Variants in SYT2 observed in about 807,000 individuals in gnomAD.
The protein encoded by SYT2 is synaptotagmin 2.
A neutral mutation model predicts 39.9 loss-of-function variants in SYT2; 15 were observed. That is an observed-to-expected ratio of 0.38 (90% CI 0.25 to 0.58). The LOEUF (loss-of-function observed/expected upper bound fraction) is 0.58, where lower values mean the gene tolerates loss of function less well. SYT2 is among the 20% of genes least tolerant of loss of function. SYT2 has a pLI of 0.70. For synonymous variants in SYT2, 181 were observed against 204.5 expected, an observed-to-expected ratio of 0.89 and a Z score of 0.98; for missense variants, 389 against 530.3, an observed-to-expected ratio of 0.73 and a Z score of 2.62.
rs1653953692 is a variant in SYT2 at position 202,695,567 on chromosome 1, G to A, written c.-18+14691C>T. On this transcript the variant is annotated intron_variant, in intron 1 of 8. Transcript: ENST00000367268. ...GTAATTGAACTCGATTTGATTGAGT[G>A]TGACAACTGCACAGTTAGCCACAAG... Among the ~76,000 whole-genome samples the A allele has an allele frequency of 2.6e-5, 4 of 152,348 alleles. No homozygotes were observed. In the South Asian group the frequency reaches 8.3e-4, roughly 32 times the overall value.
intron 1 of SYT2, among the ~76,000 whole-genome samples, chr1:202,703,873 A>G (rs1481419025): frequency 1.3e-5 from 2 of 152,208 alleles, no homozygotes; most frequent in Non-Finnish European, 2.9e-5. Flanking sequence ...ATTAAGATGC[A>G]TGGAATAGTA....
At chr1:202,701,595 G>A (rs905556446) in intron 1 of SYT2, among the ~76,000 whole-genome samples, 1 of 152,194 alleles carries the variant, frequency 6.6e-6, no homozygotes, top group African/African-American at 2.4e-5. Flanking sequence ...GTGTAGTGTG[G>A]AAGAACACAA....
chr1:202,646,862 C>T (rs1692094254), intron 1 of SYT2, among the ~76,000 whole-genome samples: 1 of 152,160 alleles, frequency 6.6e-6, no homozygotes, highest in South Asian at 2.1e-4. Flanking sequence ...CTCCGCAGCC[C>T]CACCTCACTT....
At chr1:202,625,305 CTG>C (rs1346946372) in intron 1 of SYT2, among the ~76,000 whole-genome samples, 3 of 12,014 alleles carry the variant, frequency 2.5e-4, no homozygotes, top group East Asian at 4.1e-3. Context: ...TGTGCTGTGT[CTG>C]TGTGGTGTGT....
intron 1 of SYT2, among the ~76,000 whole-genome samples, chr1:202,624,727 GGT>G (rs1691313830): frequency 7.7e-6 from 1 of 129,090 alleles, no homozygotes; most frequent in African/African-American, 2.9e-5. Flanking sequence ...TATGTAGTAG[GGT>G]GTGTGTGGCA....
intron 1 of SYT2, among the ~76,000 whole-genome samples, chr1:202,632,257 A>G (rs939634893): frequency 2.0e-5 from 3 of 152,120 alleles, no homozygotes; most frequent in Admixed American, 1.3e-4. Flanking sequence ...GGGGTGGGGG[A>G]CTGTCAAGGG....
intron 1 of SYT2, among the ~76,000 whole-genome samples, chr1:202,616,553 A>G (rs1465723138): frequency 6.6e-6 from 1 of 152,102 alleles, no homozygotes; most frequent in African/African-American, 2.4e-5. Flanking sequence ...CCATTTCGTC[A>G]CGTCCACCTC....
intron 1 of SYT2, among the ~76,000 whole-genome samples, chr1:202,638,530 G>A (rs1006018985): frequency 2.0e-5 from 3 of 152,246 alleles, no homozygotes; most frequent in African/African-American, 7.2e-5. Context: ...TCTCCAGGGA[G>A]CTGGAAGCTG....
At chr1:202,677,976 G>A (rs1653420837) in intron 1 of SYT2, among the ~76,000 whole-genome samples, 1 of 152,152 alleles carries the variant, frequency 6.6e-6, no homozygotes. Context: ...TTATTTCTGT[G>A]AAAATGGATG....
intron 1 of SYT2, among the ~76,000 whole-genome samples, chr1:202,637,278 G>A (rs535906932): frequency 6.6e-6 from 1 of 150,420 alleles, no homozygotes; most frequent in African/African-American, 2.4e-5. Context: ...CTGAGCCTCG[G>A]GAAGTTGAGG....
intron 1 of SYT2, among the ~76,000 whole-genome samples, chr1:202,607,284 G>C (rs1194009225): frequency 1.3e-5 from 2 of 152,136 alleles, no homozygotes; most frequent in South Asian, 2.1e-4. Flanking sequence ...TCCTCTGAGG[G>C]AACATAGCAG....
intron 1 of SYT2, among the ~76,000 whole-genome samples, chr1:202,606,235 A>G (rs1267692676): frequency 1.3e-5 from 2 of 152,174 alleles, no homozygotes; most frequent in Admixed American, 6.5e-5. Flanking sequence ...AGGTTCAGAG[A>G]GGTTAGATAG....
In SYT2 at chr1:202,687,977, A is replaced by G. The variant is rs1653715409; in HGVS notation, c.-18+22281T>C. ...ACAACTCTGAGGACACATTAACGGG[A>G]TGGAGGCGGTGCCCTGGATGACAGC... is the stretch of plus-strand genomic sequence containing the variant. On this transcript the variant is annotated intron_variant, in intron 1 of 8. Coordinates refer to ENST00000367268, the MANE Select transcript of SYT2 (RefSeq NM_177402.5). 2.6e-5 allele frequency among the ~76,000 whole-genome samples: 4 copies of G among 152,182 alleles called. No individual in the cohort carries two copies. The South Asian group carries it at 8.3e-4, about 31-fold the overall frequency.
At chr1:202,606,389 C>T (rs1403264644) in intron 1 of SYT2, among the ~76,000 whole-genome samples, 1 of 152,144 alleles carries the variant, frequency 6.6e-6, no homozygotes, top group African/African-American at 2.4e-5. Context: ...AGGTTTTACA[C>T]TGAGGGCTCC....
chr1:202,618,311 A>G (rs1205321899), intron 1 of SYT2, among the ~76,000 whole-genome samples: 1 of 152,036 alleles, frequency 6.6e-6, no homozygotes, highest in Non-Finnish European at 1.5e-5. Flanking sequence ...GGCTCTTTCC[A>G]CAAACCATGT....
rs923338317 is a variant in SYT2, at chr1:202,593,935, A to C, written c.*2822T>G. 2.0e-5 allele frequency: 3 copies of C among 152,208 alleles called. No individual in the cohort carries two copies. Among genetic ancestry groups the C allele is most frequent in the African/African-American group, 7.2e-5 (3 of 41,380 alleles). The allele number at this position is 152,208 out of a possible 1,614,324, so 9.4% of individuals were successfully genotyped here. On this transcript the variant is annotated 3_prime_UTR_variant, in exon 9 of 9. Transcript: ENST00000367268. Reference sequence around the variant, plus strand: ...CTATCCTGCTTAGTGCCTACACCCCAGTACCCTGACATCCCCAGAAATAAA... The same window carrying C: ...CTATCCTGCTTAGTGCCTACACCCCCGTACCCTGACATCCCCAGAAATAAA...
chr1:202,671,537 G>A (rs550872787), intron 1 of SYT2, among the ~76,000 whole-genome samples: 5 of 152,372 alleles, frequency 3.3e-5, no homozygotes, highest in African/African-American at 1.2e-4. Context: ...ACCCAGAGCT[G>A]GAAGTCGCTT....
At chr1:202,661,136 C>T (rs959870478) in intron 1 of SYT2, among the ~76,000 whole-genome samples, 1 of 152,042 alleles carries the variant, frequency 6.6e-6, no homozygotes, top group African/African-American at 2.4e-5. Flanking sequence ...TCAATCAATG[C>T]TATGGAGTGC....
intron 1 of SYT2, among the ~76,000 whole-genome samples, chr1:202,685,014 A>C (rs1653625671): frequency 6.6e-6 from 1 of 152,156 alleles, no homozygotes; most frequent in Non-Finnish European, 1.5e-5. Flanking sequence ...AACTAGGACA[A>C]GGGCAGTGGC....
Sources: allele counts gnomAD v4.1 joint callset (sites outside exome capture counted in the v4.1 genomes callset), GRCh38; gene constraint gnomAD v4.1.1; transcripts MANE v1.5; gene names NCBI Gene and HGNC (gene_info 2026-07-23, HGNC 2026-07-21).